Variants in DCC observed in about 807,000 individuals in gnomAD.
DCC encodes the protein DCC netrin 1 receptor, also known as netrin receptor DCC.
DCC carries 58 observed loss-of-function variants against 172.5 expected under a neutral mutation model. That is an observed-to-expected ratio of 0.34 (90% confidence interval 0.27 to 0.42). The LOEUF (loss-of-function observed/expected upper bound fraction) is 0.42. Among genes scored for constraint, DCC ranks in the 10% least tolerant of loss-of-function variants. The probability of loss-of-function intolerance (pLI) is 1.00; values close to 1 mark genes in which losing one functional copy is unlikely to be tolerated. For missense variants in DCC, 1,740 were observed against 1,791.0 expected, an observed-to-expected ratio of 0.97 and a Z score of 0.51; for synonymous variants, 709 against 644.5, an observed-to-expected ratio of 1.10 and a Z score of -1.52.
chr18:52,355,398 C>T (rs1188781116), intron 1 of DCC, among the ~76,000 whole-genome samples: 33 of 152,086 alleles, frequency 2.2e-4, no homozygotes, highest in Admixed American at 2.2e-3. Flanking sequence ...ATATTATGTA[C>T]ACGTGGGTGC....
chr18:52,898,960 C>A (rs1199383407), intron 2 of DCC, among the ~76,000 whole-genome samples: 2 of 152,138 alleles, frequency 1.3e-5, no homozygotes. Flanking sequence ...AAATCCCATT[C>A]AAAACGTCTA....
At chr18:53,378,834 T>C (rs1249263228) in intron 15 of DCC, among the ~76,000 whole-genome samples, 1 of 152,110 alleles carries the variant, frequency 6.6e-6, no homozygotes, top group African/African-American at 2.4e-5. Context: ...GACTGATAAA[T>C]GAGAAAACAT....
chr18:52,342,964 T>C (rs1449877922), intron 1 of DCC, among the ~76,000 whole-genome samples: 1 of 152,248 alleles, frequency 6.6e-6, no homozygotes, highest in Non-Finnish European at 1.5e-5. Context: ...GACAGATCTA[T>C]GCTTGAAAAA....
At chr18:52,756,202 TGTATACTTCTATTTAGTCCTCTAGATTGA>T (rs1363696227) in intron 2 of DCC, among the ~76,000 whole-genome samples, 1 of 151,844 alleles carries the variant, frequency 6.6e-6, no homozygotes, top group African/African-American at 2.4e-5. Context: ...TTCTGTGCCA[TGTATACTTCTATTTAGTCCTCTAGATTGA>T]GAACAGCTGA....
At chr18:52,614,875 G>T (rs1446224516) in intron 1 of DCC, among the ~76,000 whole-genome samples, 3 of 152,094 alleles carry the variant, frequency 2.0e-5, no homozygotes, top group South Asian at 2.1e-4. Context: ...ACATAAAAAC[G>T]AACATTGGGG....
At chr18:53,043,658 T>C (rs932609723) in intron 5 of DCC, among the ~76,000 whole-genome samples, 3 of 151,904 alleles carry the variant, frequency 2.0e-5, no homozygotes, top group Non-Finnish European at 4.4e-5. Context: ...GGAAGTCATT[T>C]GGTTAACATG....
intron 5 of DCC, among the ~76,000 whole-genome samples, chr18:52,942,615 A>C (rs922799434): frequency 6.6e-6 from 1 of 152,188 alleles, no homozygotes; most frequent in Non-Finnish European, 1.5e-5. Flanking sequence ...AGAGAAAGAG[A>C]GATGCAAAAG....
At chr18:52,883,337 T>C (rs968976614) in intron 2 of DCC, among the ~76,000 whole-genome samples, 25 of 62,380 alleles carry the variant, frequency 4.0e-4, no homozygotes, top group African/African-American at 1.2e-3. Flanking sequence ...TTTATTTATT[T>C]ATTTATTTAT....
At chr18:53,201,123 C>A (rs533823354) in intron 9 of DCC, among the ~76,000 whole-genome samples, 2 of 152,142 alleles carry the variant, frequency 1.3e-5, no homozygotes, top group Non-Finnish European at 2.9e-5. Context: ...CTCCCTTTCC[C>A]TTCCCCCAGA....
chr18:53,476,468 C>A (rs184233630), intron 25 of DCC, among the ~76,000 whole-genome samples: 1 of 152,254 alleles, frequency 6.6e-6, no homozygotes, highest in African/African-American at 2.4e-5. Context: ...CTGACAAGAT[C>A]TGATGATTTT....
intron 1 of DCC, among the ~76,000 whole-genome samples, chr18:52,473,386 T>C (rs1989001270): frequency 6.6e-6 from 1 of 152,220 alleles, no homozygotes; most frequent in African/African-American, 2.4e-5. Flanking sequence ...AATGATCCAT[T>C]ACCTTCCTCC....
intron 2 of DCC, chr18:52,754,063 T>C (rs1466011503): frequency 6.6e-6 from 1 of 152,196 alleles, no homozygotes; most frequent in African/African-American, 2.4e-5. Context: ...TCATTTGTTA[T>C]GGGTTTTCTT....
In DCC at chr18:53,381,670, G is replaced by A. The variant is rs77627823; in HGVS notation, c.2360-4373G>A. Among the ~76,000 whole-genome samples, 239 of 149,204 alleles carry A rather than the reference G, an allele frequency of 1.6e-3. No individual in the cohort carries two copies. In the East Asian group the frequency reaches 0.023, roughly 14 times the overall value. ...ACCAGACTTCAGTATCTATTTTTCCGGGATTATATGTATATTGGCATGTAG... is the reference window on the plus strand; with the variant it reads ...ACCAGACTTCAGTATCTATTTTTCCAGGATTATATGTATATTGGCATGTAG... On this transcript the variant is annotated intron_variant, in intron 15 of 28. Coordinates refer to ENST00000442544, the MANE Select transcript of DCC (RefSeq NM_005215.4).
At chr18:52,896,865 A>G (rs2039738452) in intron 2 of DCC, among the ~76,000 whole-genome samples, 1 of 70,762 alleles carries the variant, frequency 1.4e-5, no homozygotes, top group African/African-American at 4.8e-5. Context: ...GCTGAAATCC[A>G]GTTCTGGATT....
At chr18:53,456,737 C>T (rs1164522541) in intron 23 of DCC, among the ~76,000 whole-genome samples, 2 of 152,158 alleles carry the variant, frequency 1.3e-5, no homozygotes, top group African/African-American at 4.8e-5. Context: ...TTGGCAACCA[C>T]TGTACTAGGA....
At chr18:52,984,387 C>T (rs2041259806) in intron 5 of DCC, among the ~76,000 whole-genome samples, 1 of 152,002 alleles carries the variant, frequency 6.6e-6, no homozygotes, top group Non-Finnish European at 1.5e-5. Context: ...TGAGAAACCA[C>T]TCATTGGATT....
intron 2 of DCC, among the ~76,000 whole-genome samples, chr18:52,790,864 T>C (rs2037751377): frequency 6.6e-6 from 1 of 152,232 alleles, no homozygotes; most frequent in African/African-American, 2.4e-5. Flanking sequence ...ATATCTGAGT[T>C]AAATTTTAGA....
chr18:52,368,530 G>A (rs1200662672), intron 1 of DCC, among the ~76,000 whole-genome samples: 1 of 152,166 alleles, frequency 6.6e-6, no homozygotes, highest in South Asian at 2.1e-4. Flanking sequence ...TCACACTTAA[G>A]TGCCTCACAC....
intron 2 of DCC, among the ~76,000 whole-genome samples, chr18:52,835,692 T>C (rs1348319727): frequency 1.3e-5 from 2 of 152,242 alleles, no homozygotes; most frequent in Non-Finnish European, 2.9e-5. Flanking sequence ...TATATCCATA[T>C]ATAATGTGTA....
Sources: allele counts gnomAD v4.1 joint callset (sites outside exome capture counted in the v4.1 genomes callset), GRCh38; gene constraint gnomAD v4.1.1; transcripts MANE v1.5; gene names NCBI Gene and HGNC (gene_info 2026-07-23, HGNC 2026-07-21).